Variants in SASH1 observed in about 807,000 individuals in gnomAD.
The protein encoded by SASH1 is SAM and SH3 domain containing 1.
A neutral mutation model predicts 125.2 loss-of-function variants in SASH1; 44 were observed. That is an observed-to-expected ratio of 0.35 (90% confidence interval 0.28 to 0.45). The LOEUF (loss-of-function observed/expected upper bound fraction) is 0.45, where lower values mean the gene tolerates loss of function less well. SASH1 is among the 20% of genes least tolerant of loss of function. The probability of loss-of-function intolerance (pLI) is 1.00; values close to 1 mark genes in which losing one functional copy is unlikely to be tolerated. For synonymous variants in SASH1, 639 were observed against 649.1 expected (o/e 0.98, Z 0.24); for missense variants, 1,426 against 1,614.5 (o/e 0.88, Z 2.00).
At chr6:148,366,995 T>C (rs1383452954) in intron 1 of SASH1, among the ~76,000 whole-genome samples, 7 of 116,282 alleles carry the variant, frequency 6.0e-5, no homozygotes, top group African/African-American at 2.4e-4. Context: ...TTTTTAAGAC[T>C]GAGTCTTGCT....
intron 1 of SASH1, among the ~76,000 whole-genome samples, chr6:148,311,363 C>T (rs896591510): frequency 1.3e-5 from 2 of 152,040 alleles, no homozygotes; most frequent in African/African-American, 4.8e-5. Flanking sequence ...CCTTGGCCTC[C>T]CAAAGTGCTG....
intron 1 of SASH1, among the ~76,000 whole-genome samples, chr6:148,299,192 CTT>C (rs1779864012): frequency 6.6e-6 from 1 of 152,136 alleles, no homozygotes. Flanking sequence ...TCTCTGTCCT[CTT>C]AGGCTTTATA....
At chr6:148,207,135 T>G in the SASH1 span, among the ~76,000 whole-genome samples, 1 of 152,178 alleles carries the variant, frequency 6.6e-6, no homozygotes, top group East Asian at 1.9e-4. Flanking sequence ...GGAACAGCAC[T>G]ATCTGTCCCA....
chr6:148,248,701 T>G, the SASH1 span, among the ~76,000 whole-genome samples: 1 of 152,030 alleles, frequency 6.6e-6, no homozygotes, highest in Non-Finnish European at 1.5e-5. Context: ...AGCAGTCACT[T>G]CCCCCCACAA....
At chr6:148,380,657 A>G (rs1783093398) in intron 1 of SASH1, among the ~76,000 whole-genome samples, 1 of 152,210 alleles carries the variant, frequency 6.6e-6, no homozygotes, top group African/African-American at 2.4e-5. Context: ...CTAGGCTTGT[A>G]CTTTCTAAAA....
chr6:148,275,147 T>G (rs1009299747), intron 1 of SASH1, among the ~76,000 whole-genome samples: 1 of 152,234 alleles, frequency 6.6e-6, no homozygotes, highest in African/African-American at 2.4e-5. Flanking sequence ...ACAGAGAATC[T>G]GCTACAAGCA....
Position 148,437,665 on chromosome 6 carries a change from G to A in SASH1, c.286-2519G>A, listed in dbSNP as rs954210327. The stretch of plus-strand genomic sequence containing the variant: ...CAAGACGGCATTGCGTGATGATCAC[G>A]CCCATGAATAGCCACTACACTCCAG... On this transcript the variant is annotated intron_variant, in intron 2 of 19. Transcript: ENST00000367467. Among the ~76,000 whole-genome samples the A allele has an allele frequency of 4.6e-5, 7 of 152,168 alleles. No homozygotes were observed. The East Asian group carries it at 5.8e-4, about 13-fold the overall frequency.
intron 8 of SASH1, among the ~76,000 whole-genome samples, chr6:148,504,499 C>T (rs776658819): frequency 1.3e-5 from 2 of 152,138 alleles, no homozygotes; most frequent in Non-Finnish European, 2.9e-5. Flanking sequence ...GTGTTCAAGC[C>T]CGCCACCCAG....
chr6:148,547,635 G>A (rs1159219992), intron 19 of SASH1, among the ~76,000 whole-genome samples: 2 of 152,016 alleles, frequency 1.3e-5, no homozygotes, highest in Non-Finnish European at 2.9e-5. Flanking sequence ...GACTTTAAAG[G>A]TTAATTTCTG....
chr6:148,450,105 C>T (rs1440698428), intron 4 of SASH1, among the ~76,000 whole-genome samples: 1 of 152,150 alleles, frequency 6.6e-6, no homozygotes, highest in African/African-American at 2.4e-5. Context: ...AACTATAGCA[C>T]TCTCTGTTTA....
At chr6:148,289,861 G>GT (rs144013796) in intron 1 of SASH1, among the ~76,000 whole-genome samples, 7,736 of 85,744 alleles carry the variant, frequency 0.09, 419 homozygotes, top group Admixed American at 0.12. Flanking sequence ...TTTTGGTTGT[G>GT]TTTTTTTTTT....
At chr6:148,272,212 C>A, upstream of SASH1, 1 of 356,552 alleles carries the variant, frequency 2.8e-6, no homozygotes, top group Admixed American at 2.8e-5. Flanking sequence ...GTTGATAATC[C>A]CTAGGGCTGT....
the SASH1 span, among the ~76,000 whole-genome samples, chr6:148,229,626 C>T: frequency 1.3e-5 from 2 of 151,922 alleles, no homozygotes. Context: ...AACTTGTATG[C>T]CTTATAATTT....
At chr6:148,385,193 G>A (rs1783311302) in intron 1 of SASH1, among the ~76,000 whole-genome samples, 2 of 152,194 alleles carry the variant, frequency 1.3e-5, no homozygotes, top group Non-Finnish European at 2.9e-5. Context: ...GGAGTGAGGA[G>A]TGGCTATTAT....
chr6:148,226,567 G>A, the SASH1 span, among the ~76,000 whole-genome samples: 179 of 152,284 alleles, frequency 1.2e-3, no homozygotes, highest in Middle Eastern at 3.4e-3. Flanking sequence ...CTCCCACAAC[G>A]CGAAGTGGGG....
At chr6:148,477,032 AC>A (rs1562443532) in intron 7 of SASH1, among the ~76,000 whole-genome samples, 1 of 152,174 alleles carries the variant, frequency 6.6e-6, no homozygotes, top group Non-Finnish European at 1.5e-5. Context: ...ATGAAACTAG[AC>A]CCCTCTCTCT....
intron 1 of SASH1, among the ~76,000 whole-genome samples, chr6:148,315,283 C>T (rs1186868888): frequency 6.6e-6 from 1 of 152,108 alleles, no homozygotes; most frequent in Non-Finnish European, 1.5e-5. Context: ...TGATCATTTG[C>T]TATGTGGCAC....
At chr6:148,448,502 C>T (rs1259358181) in intron 4 of SASH1, among the ~76,000 whole-genome samples, 1 of 152,078 alleles carries the variant, frequency 6.6e-6, no homozygotes, top group African/African-American at 2.4e-5. Flanking sequence ...GCTGACTTTT[C>T]CCCGGGTCAC....
intron 2 of SASH1, among the ~76,000 whole-genome samples, chr6:148,392,286 CAAAAAAA>C (rs61537766): frequency 8.6e-6 from 1 of 116,126 alleles, no homozygotes; most frequent in Non-Finnish European, 1.8e-5. Flanking sequence ...AACTCTGTCT[CAAAAAAA>C]AAAAAAAAAA....
Sources: gnomAD v4.1 joint callset for allele counts (sites outside exome capture counted in the v4.1 genomes callset) on GRCh38, gnomAD v4.1.1 for gene constraint, MANE v1.5 for transcripts, NCBI Gene and HGNC (gene_info 2026-07-23, HGNC 2026-07-21) for gene names.